The following SLA variants were observed in gnomAD, a reference collection of about 807,000 sequenced individuals.
SLA encodes src-like-adapter.
In SLA, 16 loss-of-function variants were observed where a neutral mutation model predicts 30.3. The observed-to-expected ratio is 0.53, with a 90% confidence interval of 0.36 to 0.80. The LOEUF is 0.80. SLA is among the 30% of genes least tolerant of loss of function. The pLI is 0.01. For missense variants in SLA, 310 were observed against 345.2 expected (o/e 0.90, Z 0.81); for synonymous variants, 143 against 137.8 (o/e 1.04, Z -0.26).
chr8:133,095,064 G>C (rs149678808), intron 1 of SLA: 2 of 1,613,684 alleles, frequency 1.2e-6, no homozygotes, highest in Non-Finnish European at 1.7e-6. Flanking sequence ...CACTCTCCCC[G>C]GCCGCCGTCA....
At chr8:133,098,235 C>G (rs1420111071) in intron 1 of SLA, among the ~76,000 whole-genome samples, 1 of 152,100 alleles carries the variant, frequency 6.6e-6, no homozygotes. Flanking sequence ...TCTGATCAAG[C>G]CCCTCATCAG....
At chr8:133,045,244 G>T in intron 6 of SLA, 129 bp from the exon 7 acceptor site, 1 of 868,160 alleles carries the variant, frequency 1.2e-6, no homozygotes, top group East Asian at 2.6e-5. Context: ...ATGCTAGGAT[G>T]CAGCCCCTCC....
At chr8:133,055,824 CCAGCAGCAGCAGCAG>C (rs36210010) in intron 3 of SLA, among the ~76,000 whole-genome samples, 24 of 150,884 alleles carry the variant, frequency 1.6e-4, no homozygotes, top group African/African-American at 3.7e-4. Context: ...CTCCTCATCA[CCAGCAGCAGCAGCAG>C]CAGCAGCAGC....
intron 1 of SLA, among the ~76,000 whole-genome samples, chr8:133,078,846 A>G (rs574581221): frequency 3.3e-5 from 5 of 152,366 alleles, no homozygotes; most frequent in South Asian, 2.1e-4. Context: ...CAGGTAGAGC[A>G]TGAATGTATC....
rs1244888187 is a variant in SLA, at chr8:133,037,216, C to T, written c.*1308G>A. Reference sequence around the variant, plus strand: ...ATGAGTCACAGATTCATCTGCAGCCCACTCTCTTCCTAGTAGGATTTGGAT... The same window carrying T: ...ATGAGTCACAGATTCATCTGCAGCCTACTCTCTTCCTAGTAGGATTTGGAT... On this transcript the variant is annotated 3_prime_UTR_variant, in exon 9 of 9. Transcript: ENST00000338087. The T allele has an allele frequency of 6.6e-6, 1 of 152,190 alleles. No homozygotes were observed. Among genetic ancestry groups the T allele is most frequent in the Non-Finnish European group, 1.5e-5 (1 of 68,038 alleles). 9.4% of individuals were successfully genotyped at this position (152,190 alleles called of 1,614,324 possible).
At chr8:133,055,824 C>CCAGCAGCAGCAGCAG (rs36210010) in intron 3 of SLA, among the ~76,000 whole-genome samples, 23 of 150,882 alleles carry the variant, frequency 1.5e-4, no homozygotes, top group Non-Finnish European at 2.5e-4. Context: ...CTCCTCATCA[C>CCAGCAGCAGCAGCAG]CAGCAGCAGC....
intron 3 of SLA, among the ~76,000 whole-genome samples, 195 bp downstream of exon 3, chr8:133,059,905 G>T (rs993553953): frequency 2.0e-5 from 3 of 152,174 alleles, no homozygotes; most frequent in Non-Finnish European, 4.4e-5. Context: ...CTTCAGGTGC[G>T]CCGAGCACCC....
intron 2 of SLA, among the ~76,000 whole-genome samples, chr8:133,065,757 C>T (rs1009156137): frequency 1.3e-4 from 19 of 148,590 alleles, no homozygotes; most frequent in African/African-American, 4.6e-4. Context: ...AGTGAAACTC[C>T]GTCTCAAAAA....
At chr8:133,087,669 A>C (rs941854678) in intron 1 of SLA, 1 of 152,242 alleles carries the variant, frequency 6.6e-6, no homozygotes, top group African/African-American at 2.4e-5. Context: ...AAGTTAGAAT[A>C]GTCTAAAAAG....
intron 1 of SLA, chr8:133,076,850 G>A (rs1844963162): frequency 6.6e-6 from 1 of 151,742 alleles, no homozygotes; most frequent in Non-Finnish European, 1.5e-5. Context: ...ATGGCGACTT[G>A]GTGCAAAGTG....
At position 133,061,756 on chromosome 8, in the gene SLA, C is replaced by T. The variant is rs578251550; in HGVS notation, c.-40-1556G>A. Among the ~76,000 whole-genome samples the T allele has an allele frequency of 3.9e-5, 6 of 152,250 alleles. No homozygotes were observed. The South Asian group carries it at 1.0e-3, about 26-fold the overall frequency. ...GCACAAAAGTCAGCCCATCCAACTC[C>T]CACCCTGGCCTTGAGTCCTGTCTCC... On this transcript the variant is annotated intron_variant, in intron 2 of 8. Transcript: ENST00000338087.
chr8:133,053,181 C>T (rs1840741639), intron 3 of SLA, among the ~76,000 whole-genome samples: 1 of 152,176 alleles, frequency 6.6e-6, no homozygotes, highest in African/African-American at 2.4e-5. Flanking sequence ...CCAGAGGAGG[C>T]TCAGCCTTCC....
In SLA at chr8:133,060,413, A is replaced by T. The variant is rs759200288; in HGVS notation, c.-40-213T>A. 4.0e-6 allele frequency: 6 copies of T among 1,498,160 alleles called. No homozygotes were observed. In the African/African-American group the frequency reaches 8.6e-5, roughly 21 times the overall value. 92.8% of individuals were successfully genotyped at this position (1,498,160 alleles called of 1,614,324 possible). A position where few individuals can be genotyped will look rare whatever the true frequency, so the allele number is the denominator to read the frequency against. On this transcript the variant is annotated intron_variant, in intron 2 of 8. Coordinates refer to ENST00000338087, the MANE Select transcript of SLA (RefSeq NM_001045556.3). ...AGGGAATGACAGAAAAACCACAGAG[A>T]GGGAAGTTGCTAGCAAATGCTGTTG... is the stretch of plus-strand genomic sequence containing the variant.
chr8:133,066,986 C>T (rs1843126079), intron 2 of SLA, among the ~76,000 whole-genome samples: 1 of 152,188 alleles, frequency 6.6e-6, no homozygotes, highest in South Asian at 2.1e-4. Context: ...TTGGTCATGG[C>T]TCTTTTGCCT....
chr8:133,094,358 A>G (rs1335846302), intron 1 of SLA, among the ~76,000 whole-genome samples: 3 of 148,458 alleles, frequency 2.0e-5, no homozygotes, highest in Non-Finnish European at 3.0e-5. Flanking sequence ...CTCCTACCTC[A>G]GCCTCCCAAG....
intron 1 of SLA, among the ~76,000 whole-genome samples, chr8:133,086,944 A>C (rs796942947): frequency 9.8e-5 from 15 of 152,336 alleles, no homozygotes; most frequent in African/African-American, 3.4e-4. Context: ...TGTAATTAGC[A>C]TGCTGGCATT....
chr8:133,041,494 G>A (rs1838234374), intron 7 of SLA, among the ~76,000 whole-genome samples: 1 of 152,162 alleles, frequency 6.6e-6, no homozygotes, highest in African/African-American at 2.4e-5. Flanking sequence ...TTAATCGGGT[G>A]GGAATCTGAA....
At chr8:133,076,653 T>TA (rs1419905493) in intron 1 of SLA, 1 of 151,362 alleles carries the variant, frequency 6.6e-6, no homozygotes, top group Non-Finnish European at 1.5e-5. Context: ...AATAGACACT[T>TA]ACCAAGAAAG....
chr8:133,068,711 G>A (rs1812944174), intron 2 of SLA, among the ~76,000 whole-genome samples: 2 of 152,368 alleles, frequency 1.3e-5, no homozygotes, highest in East Asian at 3.9e-4. Flanking sequence ...GTCTTATGAA[G>A]AGCTGTCTGG....
Sources: allele counts gnomAD v4.1 joint callset (sites outside exome capture counted in the v4.1 genomes callset), GRCh38; gene constraint gnomAD v4.1.1; transcripts MANE v1.5; gene names NCBI Gene and HGNC (gene_info 2026-07-23, HGNC 2026-07-21).